METAP1: variants seen among roughly 807,000 people sequenced by gnomAD.
METAP1 encodes methionine aminopeptidase 1.
A neutral mutation model predicts 53.8 loss-of-function variants in METAP1; 28 were observed. The ratio of observed to expected loss-of-function variants is 0.52; its 90% confidence interval spans 0.39 to 0.71. The LOEUF is 0.71. Among genes scored for constraint, METAP1 ranks in the 30% least tolerant of loss-of-function variants. METAP1 has a pLI of 0.00. For missense variants in METAP1, 389 were observed against 479.8 expected, an observed-to-expected ratio of 0.81 and a Z score of 1.77; for synonymous variants, 181 against 165.7, an observed-to-expected ratio of 1.09 and a Z score of -0.71.
intron 1 of METAP1, among the ~76,000 whole-genome samples, chr4:99,015,814 TG>T (rs1343688818): frequency 6.6e-6 from 1 of 152,174 alleles, no homozygotes; most frequent in Non-Finnish European, 1.5e-5. Flanking sequence ...AATCTAGTTA[TG>T]TTAATAATAA....
chr4:98,995,917 C>G (rs1425576338), intron 1 of METAP1, 50 bp downstream of exon 1: 2 of 1,395,818 alleles, frequency 1.4e-6, no homozygotes, highest in Non-Finnish European at 2.0e-6. Flanking sequence ...GACCCCTCCT[C>G]GCTTCTCCCC....
intron 1 of METAP1, among the ~76,000 whole-genome samples, chr4:99,011,894 C>T (rs1043952529): frequency 6.6e-6 from 1 of 152,116 alleles, no homozygotes; most frequent in Admixed American, 6.5e-5. Context: ...GAGCAGAGAT[C>T]GCTCCATTTC....
chr4:99,015,509 T>C (rs997555952), intron 1 of METAP1, among the ~76,000 whole-genome samples: 4 of 152,218 alleles, frequency 2.6e-5, no homozygotes, highest in Non-Finnish European at 5.9e-5. Flanking sequence ...TGCTTCCTTA[T>C]GTGAAATAAA....
At chr4:99,047,563 C>T (rs1726359946) in intron 8 of METAP1, among the ~76,000 whole-genome samples, 1 of 152,186 alleles carries the variant, frequency 6.6e-6, no homozygotes, top group African/African-American at 2.4e-5. Context: ...CAAAATCAAG[C>T]TGCAAAATAC....
chr4:99,047,788 A>G (rs1270522719), intron 8 of METAP1, among the ~76,000 whole-genome samples: 1 of 152,204 alleles, frequency 6.6e-6, no homozygotes, highest in African/African-American at 2.4e-5. Flanking sequence ...GGAGAACCTT[A>G]TAGTGATGAG....
chr4:99,029,054 T>A (rs1716053125), intron 2 of METAP1, 136 bp downstream of exon 2: 1 of 562,822 alleles, frequency 1.8e-6, no homozygotes, highest in African/African-American at 1.9e-5. Context: ...AATTATGACA[T>A]ATTTTAAATT....
chr4:99,039,555 A>T (rs1249332507), intron 5 of METAP1, 90 bp downstream of exon 5: 1 of 774,554 alleles, frequency 1.3e-6, no homozygotes, highest in South Asian at 1.8e-5. Flanking sequence ...AAAGATAGCA[A>T]ATGTTATATT....
At chr4:99,000,525 A>G (rs1055015630) in intron 1 of METAP1, among the ~76,000 whole-genome samples, 3 of 152,212 alleles carry the variant, frequency 2.0e-5, no homozygotes, top group East Asian at 1.9e-4. Context: ...TATTAAAATC[A>G]GTACCAAGGA....
chr4:99,035,247 G>T (rs904991816), intron 3 of METAP1, among the ~76,000 whole-genome samples, 153 bp from the exon 4 acceptor site: 1 of 152,100 alleles, frequency 6.6e-6, no homozygotes, highest in Non-Finnish European at 1.5e-5. Context: ...ATTACCACTA[G>T]GAAAAGTAAA....
At chr4:99,024,526 A>C (rs1724414437) in intron 1 of METAP1, among the ~76,000 whole-genome samples, 1 of 152,128 alleles carries the variant, frequency 6.6e-6, no homozygotes, top group South Asian at 2.1e-4. Flanking sequence ...TCTTGTGCCG[A>C]GTCAGTTCCT....
In METAP1 at chr4:98,995,786, A is replaced by G. The variant is rs1274603910; in HGVS notation, c.33A>G (p.Thr11=). Residue 11 remains threonine (T), a synonymous_variant, in exon 1 of 11, where the codon ACA becomes ACG. Coordinates refer to ENST00000296411, the MANE Select transcript of METAP1 (RefSeq NM_015143.3). The part of the protein sequence containing the change: MAAVETRVCE[T]DGCSSEAKLQ... The stretch of plus-strand genomic sequence containing the variant: ...CCGTGGAGACGCGGGTGTGCGAGAC[A>G]GACGGCTGCAGCAGTGAGGCCAAGC... The G allele has an allele frequency of 1.3e-6, 2 of 1,546,338 alleles. No homozygotes were observed. The highest frequency in any genetic ancestry group is 2.4e-5 in the South Asian group (2 of 83,890).
chr4:99,038,402 C>G (rs1249461317), intron 4 of METAP1, among the ~76,000 whole-genome samples: 2 of 151,894 alleles, frequency 1.3e-5, no homozygotes, highest in Middle Eastern at 3.4e-3. Flanking sequence ...TGGTAGCTGG[C>G]CATGTTATCA....
At chr4:99,000,314 C>T (rs1372320557) in intron 1 of METAP1, among the ~76,000 whole-genome samples, 1 of 152,130 alleles carries the variant, frequency 6.6e-6, no homozygotes, top group Non-Finnish European at 1.5e-5. Context: ...ATTTATAAGG[C>T]ATAAAAGGTA....
At chr4:99,029,033 C>CCTG in intron 2 of METAP1, 115 bp downstream of exon 2, 1 of 648,042 alleles carries the variant, frequency 1.5e-6, no homozygotes, top group Non-Finnish European at 2.6e-6. Flanking sequence ...AAGTATAATC[C>CCTG]TGAATACTAG....
rs1445269115 is a variant in METAP1 at position 99,022,310 on chromosome 4, C to T, written c.115-6557C>T. 22 of 778,460 alleles carry T rather than the reference C, an allele frequency of 2.8e-5. No individual in the cohort carries two copies. The Admixed American group carries it at 4.7e-4, about 17-fold the overall frequency. 48.2% of individuals were successfully genotyped at this position (778,460 alleles called of 1,614,324 possible). A position where few individuals can be genotyped will look rare whatever the true frequency, so the allele number is the denominator to read the frequency against. On this transcript the variant is annotated intron_variant, in intron 1 of 10. Transcript: ENST00000296411. ...GGAGATGGAAGGGGCCTCCCTTGCC[C>T]TCAGGAGTCCCTGACCAGGGAAGAT...
intron 7 of METAP1, among the ~76,000 whole-genome samples, chr4:99,043,974 C>T (rs905882476): frequency 2.0e-5 from 3 of 152,034 alleles, no homozygotes; most frequent in Non-Finnish European, 2.9e-5. Context: ...TCACTGTCAC[C>T]CAGGCTCGAG....
intron 1 of METAP1, among the ~76,000 whole-genome samples, chr4:99,002,804 G>A (rs1191330066): frequency 1.3e-5 from 2 of 152,312 alleles, no homozygotes; most frequent in East Asian, 1.9e-4. Flanking sequence ...GCCAGGCGCC[G>A]TGGCTTATGC....
At chr4:98,997,253 C>T (rs1722682153) in intron 1 of METAP1, 1 of 152,476 alleles carries the variant, frequency 6.6e-6, no homozygotes, top group Non-Finnish European at 1.5e-5. Flanking sequence ...TGTAGATAAG[C>T]GATTGCAAAA....
At chr4:98,996,919 T>C (rs577704285) in intron 1 of METAP1, among the ~76,000 whole-genome samples, 1 of 152,332 alleles carries the variant, frequency 6.6e-6, no homozygotes, top group Non-Finnish European at 1.5e-5. Flanking sequence ...TTGCCAGTTA[T>C]TGTGCGATCT....
Sources: allele counts gnomAD v4.1 joint callset (sites outside exome capture counted in the v4.1 genomes callset), GRCh38; gene constraint gnomAD v4.1.1; transcripts MANE v1.5; gene names NCBI Gene and HGNC (gene_info 2026-07-23, HGNC 2026-07-21).